VPS53: variants seen among roughly 807,000 people sequenced by gnomAD.
VPS53 encodes the protein VPS53 subunit of GARP complex, also known as vacuolar protein sorting-associated protein 53 homolog.
In VPS53, 70 loss-of-function variants were observed where a neutral mutation model predicts 107.0. That is an observed-to-expected ratio of 0.65 (90% confidence interval 0.54 to 0.80). The LOEUF is 0.80. VPS53 is among the 30% of genes least tolerant of loss of function. The probability of loss-of-function intolerance (pLI) is 0.00; values close to 1 mark genes in which losing one functional copy is unlikely to be tolerated. For missense variants in VPS53, 917 were observed against 1,049.4 expected (o/e 0.87, Z 1.74); for synonymous variants, 409 against 393.3 (o/e 1.04, Z -0.47).
intron 2 of VPS53, among the ~76,000 whole-genome samples, chr17:707,447 G>A (rs936840327): frequency 2.6e-5 from 4 of 151,668 alleles, no homozygotes; most frequent in African/African-American, 4.9e-5. Context: ...TTGAACCCAG[G>A]AGGCAGAGGT....
At chr17:656,730 GTT>G (rs1971205574) in intron 5 of VPS53, 3 of 647,468 alleles carry the variant, frequency 4.6e-6, no homozygotes, top group Admixed American at 2.3e-5. Context: ...GTGTGTGTGT[GTT>G]TTATCATGCC....
intron 4 of VPS53, among the ~76,000 whole-genome samples, chr17:695,210 G>A (rs1009621766): frequency 3.9e-5 from 6 of 152,166 alleles, no homozygotes; most frequent in African/African-American, 1.4e-4. Context: ...AGGGACACTG[G>A]AATCCATTTT....
chr17:563,358 T>C (rs9911960), intron 13 of VPS53, among the ~76,000 whole-genome samples: 73,653 of 147,608 alleles, frequency 0.5, 19,299 homozygotes, highest in African/African-American at 0.67. Context: ...TGCAGCGGCA[T>C]GATCTTGGCC....
At position 534,450 on chromosome 17, in the gene VPS53, T is replaced by C. The variant is rs534701518; in HGVS notation, c.2016-1539A>G. ...GAAGCTGAGGGAGAGGAAACTGGAG[T>C]CCGGAGATCGGATCTGGAGGTGGCT... is the stretch of plus-strand genomic sequence containing the variant. On this transcript the variant is annotated intron_variant, in intron 18 of 21. Coordinates refer to ENST00000437048, the MANE Select transcript of VPS53 (RefSeq NM_001128159.3). 2.0e-5 allele frequency among the ~76,000 whole-genome samples: 3 copies of C among 151,684 alleles called. No homozygotes were observed. The East Asian group carries it at 5.8e-4, about 29-fold the overall frequency.
At chr17:580,159 T>A (rs1966920198) in intron 13 of VPS53, among the ~76,000 whole-genome samples, 1 of 150,904 alleles carries the variant, frequency 6.6e-6, no homozygotes. Context: ...AGAACCTCCC[T>A]CAGAACCTAA....
intron 12 of VPS53, among the ~76,000 whole-genome samples, chr17:591,832 GA>G (rs1222551720): frequency 2.0e-5 from 3 of 152,122 alleles, no homozygotes; most frequent in Non-Finnish European, 4.4e-5. Flanking sequence ...GTGTGGTGCT[GA>G]AAAAAATGTA....
chr17:556,534 T>C (rs893928655), intron 15 of VPS53, among the ~76,000 whole-genome samples: 1 of 152,106 alleles, frequency 6.6e-6, no homozygotes, highest in African/African-American at 2.4e-5. Context: ...CATCGTTCTG[T>C]GGTTTGATTG....
intron 1 of VPS53, among the ~76,000 whole-genome samples, chr17:711,008 T>TG (rs1184043228): frequency 2.0e-5 from 3 of 152,100 alleles, no homozygotes; most frequent in Non-Finnish European, 4.4e-5. Flanking sequence ...GCTCAGGAGT[T>TG]GGAGACTGGC....
Position 514,768 on chromosome 17 carries a change from C to T in VPS53, c.*4360G>A, listed in dbSNP as rs1366333201. 1 of 152,592 alleles carries T rather than the reference C, an allele frequency of 6.6e-6. No homozygotes were observed. The highest frequency in any genetic ancestry group is 2.4e-5 in the African/African-American group (1 of 41,476). 9.5% of individuals were successfully genotyped at this position (152,592 alleles called of 1,614,324 possible). On this transcript the variant is annotated 3_prime_UTR_variant, in exon 22 of 22. Transcript: ENST00000437048. ...CCTGTACTGGTCATGCTGGTCTCAGCTTGTCTGCTCTCAGTCCTGTCTGAT... is the reference window on the plus strand; with the variant it reads ...CCTGTACTGGTCATGCTGGTCTCAGTTTGTCTGCTCTCAGTCCTGTCTGAT...
chr17:644,308 C>T (rs1477167506), intron 7 of VPS53, among the ~76,000 whole-genome samples: 1 of 152,210 alleles, frequency 6.6e-6, no homozygotes, highest in East Asian at 1.9e-4. Flanking sequence ...CTACACTTTA[C>T]AGACAGCAAG....
chr17:638,845 A>T (rs1290391873), intron 7 of VPS53, among the ~76,000 whole-genome samples: 1 of 152,178 alleles, frequency 6.6e-6, no homozygotes, highest in Non-Finnish European at 1.5e-5. Context: ...GACTGCCTTT[A>T]ACATTTTTTT....
At chr17:647,147 C>T (rs1447664840) in intron 7 of VPS53, among the ~76,000 whole-genome samples, 1 of 152,196 alleles carries the variant, frequency 6.6e-6, no homozygotes, top group African/African-American at 2.4e-5. Context: ...ATTACTGTCA[C>T]GTTGGTAAGA....
At chr17:544,449 C>T (rs1188336322) in intron 17 of VPS53, among the ~76,000 whole-genome samples, 1 of 152,050 alleles carries the variant, frequency 6.6e-6, no homozygotes, top group African/African-American at 2.4e-5. Flanking sequence ...CTGATTTTGC[C>T]TCAGTTGCCA....
In VPS53 at chr17:519,159, TTGCGGA is replaced by T; in HGVS notation, c.2462_2467del (p.Ile821_Arg822del). ...TCTCTTTTTAATGAGTTTCTCGAGC[TTGCGGA>T]TGCGTGACGACTCTTGCTCTGGTGT... On this transcript the variant is annotated inframe_deletion, in exon 22 of 22. Coordinates refer to ENST00000437048, the MANE Select transcript of VPS53 (RefSeq NM_001128159.3). The surrounding 1 kb of genome is among the most constrained non-coding windows in gnomAD (Gnocchi z 5.0). 1 of 1,540,808 alleles carries T rather than the reference TTGCGGA, an allele frequency of 6.5e-7. No individual in the cohort carries two copies. Among genetic ancestry groups the T allele is most frequent in the Non-Finnish European group, 8.8e-7 (1 of 1,142,808 alleles).
intron 6 of VPS53, among the ~76,000 whole-genome samples, chr17:655,120 C>T (rs550109971): frequency 9.2e-5 from 14 of 152,258 alleles, no homozygotes; most frequent in African/African-American, 2.6e-4. Flanking sequence ...TGTCCACATA[C>T]GGAATCACAC....
chr17:654,802 CTACCACCACCTGGTTT>C (rs1323962814), intron 6 of VPS53, among the ~76,000 whole-genome samples: 1 of 151,788 alleles, frequency 6.6e-6, no homozygotes. Context: ...TGTTCCGTTG[CTACCACCACCTGGTTT>C]TACCACCGCC....
rs1597229129 is a variant in VPS53 at position 511,850 on chromosome 17, T to G, written c.*7278A>C. 6.6e-6 allele frequency: 1 copy of G among 152,344 alleles called. No homozygotes were observed. Among genetic ancestry groups the G allele is most frequent in the Non-Finnish European group, 1.5e-5 (1 of 68,034 alleles). The allele number at this position is 152,344 out of a possible 1,614,324, so 9.4% of individuals were successfully genotyped here. ...CCTGTCGGGAGAAGAGTCTGGTCTG[T>G]GGACACCAGACACCTAAGCAAGTTT... On this transcript the variant is annotated 3_prime_UTR_variant, in exon 22 of 22. Transcript: ENST00000437048.
intron 4 of VPS53, chr17:674,221 T>C (rs1972070280): frequency 6.6e-6 from 1 of 152,204 alleles, no homozygotes; most frequent in African/African-American, 2.4e-5. Flanking sequence ...TGGGGCACAT[T>C]AAAAGGAACA....
intron 2 of VPS53, among the ~76,000 whole-genome samples, chr17:702,035 T>C (rs928160954): frequency 3.7e-4 from 57 of 152,184 alleles, no homozygotes; most frequent in African/African-American, 1.2e-3. Flanking sequence ...GGCCCTATAA[T>C]ATCATTTTTA....
Sources: gnomAD v4.1 joint callset for allele counts (sites outside exome capture counted in the v4.1 genomes callset) on GRCh38, gnomAD v4.1.1 for gene constraint, Gnocchi (gnomAD v3.1) non-coding constraint, MANE v1.5 for transcripts, NCBI Gene and HGNC (gene_info 2026-07-23, HGNC 2026-07-21) for gene names.